The following MEI1 variants were observed in gnomAD, a reference collection of about 807,000 sequenced individuals.
The protein encoded by MEI1 is meiosis inhibitor protein 1.
Under a neutral mutation model 146.2 loss-of-function variants are expected in MEI1, and 103 were observed. The observed-to-expected ratio is 0.70, with a 90% CI of 0.60 to 0.83. MEI1 has a LOEUF of 0.83. Among genes scored for constraint, MEI1 ranks in the 40% least tolerant of loss-of-function variants. MEI1 has a pLI of 0.00. For missense variants in MEI1, 1,529 were observed against 1,533.0 expected (o/e 1.00, Z 0.04); for synonymous variants, 652 against 628.2 (o/e 1.04, Z -0.57).
chr22:41,738,264 C>T (rs1405662030), intron 11 of MEI1, among the ~76,000 whole-genome samples: 1 of 151,986 alleles, frequency 6.6e-6, no homozygotes, highest in Non-Finnish European at 1.5e-5. Context: ...ACCATCCTGG[C>T]CAACATGGTG....
chr22:41,707,948 C>G (rs993391062), intron 3 of MEI1, among the ~76,000 whole-genome samples: 3 of 152,224 alleles, frequency 2.0e-5, no homozygotes, highest in African/African-American at 7.2e-5. Context: ...CCTTTGGCTA[C>G]TTGGTGTCCA....
chr22:41,706,059 C>G (rs539356642), intron 3 of MEI1, among the ~76,000 whole-genome samples: 8 of 152,052 alleles, frequency 5.3e-5, no homozygotes, highest in Admixed American at 4.6e-4. Context: ...CATTCTGTCA[C>G]CCAGGCTGGA....
chr22:41,791,471 G>C (rs2076180948), intron 26 of MEI1, among the ~76,000 whole-genome samples: 1 of 152,196 alleles, frequency 6.6e-6, no homozygotes, highest in Non-Finnish European at 1.5e-5. Flanking sequence ...CTGGGTGACA[G>C]AGTGAGACCT....
intron 11 of MEI1, among the ~76,000 whole-genome samples, chr22:41,733,334 C>T (rs1031457757): frequency 4.6e-5 from 7 of 151,828 alleles, no homozygotes; most frequent in South Asian, 2.1e-4. Flanking sequence ...CCTATAGTTC[C>T]GGCTGCTTGA....
chr22:41,739,333 A>G (rs2072662505), intron 11 of MEI1, among the ~76,000 whole-genome samples: 1 of 152,064 alleles, frequency 6.6e-6, no homozygotes, highest in South Asian at 2.1e-4. Flanking sequence ...ATGTACCTAA[A>G]ACTGGTATTT....
At chr22:41,763,087 C>A in intron 18 of MEI1, 87 bp from the exon 19 acceptor site, 1 of 1,475,026 alleles carries the variant, frequency 6.8e-7, no homozygotes, top group Non-Finnish European at 9.2e-7. Context: ...GGACAGTGGG[C>A]TGAGGAAGGA....
chr22:41,798,032 C>CT (rs1569345194), intron 30 of MEI1, among the ~76,000 whole-genome samples: 2 of 151,626 alleles, frequency 1.3e-5, no homozygotes, highest in African/African-American at 4.8e-5. Context: ...GCTACATCAC[C>CT]GAACTCAGAA....
chr22:41,759,447 G>T (rs1241933153), intron 18 of MEI1: 1 of 152,266 alleles, frequency 6.6e-6, no homozygotes, highest in African/African-American at 2.4e-5. Context: ...GGCTAACAAG[G>T]TAAAACCCCG....
At chr22:41,771,491 C>T (rs1024099230) in intron 20 of MEI1, among the ~76,000 whole-genome samples, 1 of 152,050 alleles carries the variant, frequency 6.6e-6, no homozygotes, top group Non-Finnish European at 1.5e-5. Context: ...GGTGCAGTGC[C>T]GTGGCATGAT....
chr22:41,723,984 A>G lies in MEI1; in HGVS notation c.775A>G (p.Met259Val). 1 of 1,611,818 alleles carries G rather than the reference A, an allele frequency of 6.2e-7. No individual in the cohort carries two copies. Among genetic ancestry groups the G allele is most frequent in the South Asian group, 1.1e-5 (1 of 90,474 alleles). The change falls in exon 7 of 31, where the codon ATG (methionine) becomes GTG (valine). Residue 259 changes from methionine to valine, a missense_variant. Met to Val is a conservative substitution (Grantham distance 21). Coordinates refer to ENST00000401548, the MANE Select transcript of MEI1 (RefSeq NM_152513.4). ...QLLKYDLFVS[M>V]IMNQDGLGES... is the part of the protein sequence containing the mutation. ...GTTGAAGTATGATCTCTTTGTGTCCATGATCATGAACCAGGATGGACTGGG... is the reference window on the plus strand; with the variant it reads ...GTTGAAGTATGATCTCTTTGTGTCCGTGATCATGAACCAGGATGGACTGGG...
chr22:41,711,463 C>T (rs2069561498), intron 3 of MEI1, among the ~76,000 whole-genome samples: 1 of 152,196 alleles, frequency 6.6e-6, no homozygotes, highest in South Asian at 2.1e-4. Context: ...TCTAGGCCAC[C>T]CTTGAGTGGG....
At position 41,714,140 on chromosome 22, in the gene MEI1, C is replaced by A. The variant is rs1468687738; in HGVS notation, c.423+65C>A. The A allele has an allele frequency of 6.2e-6, 9 of 1,453,202 alleles. No individual in the cohort carries two copies. The South Asian group carries it at 1.1e-4, about 18-fold the overall frequency. The allele number at this position is 1,453,202 out of a possible 1,614,324, so 90.0% of individuals were successfully genotyped here. On this transcript the variant is annotated intron_variant, in intron 4 of 30. Coordinates refer to ENST00000401548, the MANE Select transcript of MEI1 (RefSeq NM_152513.4). ...CTCAGATGTCAGAGCTGGGTCAACC[C>A]TTTGAACAAATGAGAGATTGAAGTC...
intron 15 of MEI1, among the ~76,000 whole-genome samples, chr22:41,751,837 C>T (rs1416532753): frequency 4.6e-5 from 7 of 151,036 alleles, no homozygotes; most frequent in East Asian, 3.9e-4. Context: ...TTTGGGAGGC[C>T]GAGGTGGGTG....
At chr22:41,713,904 C>G in intron 3 of MEI1, 98 bp from the exon 4 acceptor site, 1 of 960,380 alleles carries the variant, frequency 1.0e-6, no homozygotes, top group Non-Finnish European at 1.6e-6. Flanking sequence ...TTAGCCCAGG[C>G]AAATCACTAT....
chr22:41,794,539 G>C, intron 28 of MEI1, 62 bp downstream of exon 28: 1 of 1,368,084 alleles, frequency 7.3e-7, no homozygotes, highest in Non-Finnish European at 1.0e-6. Context: ...GTGCTGAAGA[G>C]GCCAGGGTCT....
At chr22:41,717,169 A>G (rs1194728306) in intron 5 of MEI1, among the ~76,000 whole-genome samples, 4 of 151,962 alleles carry the variant, frequency 2.6e-5, no homozygotes, top group Non-Finnish European at 5.9e-5. Flanking sequence ...TTTTAAAAAA[A>G]TTAATAATAA....
At chr22:41,766,394 A>G (rs1194984175) in intron 19 of MEI1, among the ~76,000 whole-genome samples, 3 of 136,944 alleles carry the variant, frequency 2.2e-5, no homozygotes, top group Non-Finnish European at 3.1e-5. Context: ...CTGGTCTCGA[A>G]CTCCTGACCT....
chr22:41,735,559 A>T (rs952956289), intron 11 of MEI1, among the ~76,000 whole-genome samples: 85 of 152,218 alleles, frequency 5.6e-4, no homozygotes, highest in African/African-American at 2.0e-3. Context: ...TATAGATTTT[A>T]AAAAATATTT....
chr22:41,722,893 C>T (rs1425161458), intron 6 of MEI1, among the ~76,000 whole-genome samples: 1 of 152,134 alleles, frequency 6.6e-6, no homozygotes, highest in Non-Finnish European at 1.5e-5. Flanking sequence ...TACCATGAAT[C>T]CCAGCATAAG....
Sources: allele counts gnomAD v4.1 joint callset (sites outside exome capture counted in the v4.1 genomes callset), GRCh38; gene constraint gnomAD v4.1.1; transcripts MANE v1.5; gene names NCBI Gene and HGNC (gene_info 2026-07-23, HGNC 2026-07-21).